TMEM132D: variants seen among roughly 807,000 people sequenced by gnomAD.
TMEM132D encodes mature OL transmembrane protein.
TMEM132D carries 21 observed loss-of-function variants against 62.3 expected under a neutral mutation model. The ratio of observed to expected loss-of-function variants is 0.34; its 90% CI spans 0.24 to 0.49. The LOEUF is 0.49. Ranked by LOEUF, TMEM132D falls within the 20% of genes least tolerant of loss-of-function variation. TMEM132D has a pLI of 0.99. For missense variants in TMEM132D, 1,346 were observed against 1,402.8 expected, an observed-to-expected ratio of 0.96 and a Z score of 0.65; for synonymous variants, 621 against 575.6, an observed-to-expected ratio of 1.08 and a Z score of -1.13.
intron 4 of TMEM132D, among the ~76,000 whole-genome samples, chr12:129,306,809 G>C (rs1881855824): frequency 6.6e-6 from 1 of 152,130 alleles, no homozygotes; most frequent in African/African-American, 2.4e-5. Context: ...GGAAATCACA[G>C]GGCAGAGCAA....
chr12:129,076,574 T>C (rs144011604), intron 8 of TMEM132D, among the ~76,000 whole-genome samples: 1 of 152,372 alleles, frequency 6.6e-6, no homozygotes, highest in Non-Finnish European at 1.5e-5. Context: ...GACACTGGCT[T>C]GGACTACCTG....
At chr12:129,377,747 A>C (rs953284082) in intron 3 of TMEM132D, among the ~76,000 whole-genome samples, 11 of 152,204 alleles carry the variant, frequency 7.2e-5, no homozygotes, top group Non-Finnish European at 1.5e-4. Flanking sequence ...TTTACAAAGA[A>C]ATACGTGGTC....
chr12:129,740,040 C>G (rs1470091079), intron 1 of TMEM132D, among the ~76,000 whole-genome samples: 1 of 152,082 alleles, frequency 6.6e-6, no homozygotes, highest in Non-Finnish European at 1.5e-5. Flanking sequence ...ATGGACTGGC[C>G]CCTCTCCTAA....
At chr12:129,717,209 T>C (rs993157609) in intron 1 of TMEM132D, among the ~76,000 whole-genome samples, 2 of 152,202 alleles carry the variant, frequency 1.3e-5, no homozygotes, top group Admixed American at 6.5e-5. Flanking sequence ...AGGAAGGCCA[T>C]TTCTCTGTGT....
chr12:129,583,743 T>C (rs551074368), intron 2 of TMEM132D, among the ~76,000 whole-genome samples: 17 of 152,166 alleles, frequency 1.1e-4, no homozygotes, highest in Non-Finnish European at 1.8e-4. Context: ...AAAGAATCCC[T>C]TGGAGACATA....
At chr12:129,669,107 A>C (rs1880443237) in intron 2 of TMEM132D, among the ~76,000 whole-genome samples, 1 of 152,228 alleles carries the variant, frequency 6.6e-6, no homozygotes, top group Non-Finnish European at 1.5e-5. Context: ...CATGGAACAG[A>C]GTTCTATCAA....
intron 4 of TMEM132D, among the ~76,000 whole-genome samples, chr12:129,326,505 T>A (rs1294549547): frequency 6.6e-6 from 1 of 152,222 alleles, no homozygotes; most frequent in Non-Finnish European, 1.5e-5. Context: ...TTATATGAAA[T>A]TAAAGTTTCA....
In TMEM132D at chr12:129,557,282, T is replaced by C. The variant is rs544775636; in HGVS notation, c.969-26077A>G. ...AAATATGCATATAGATTCAAATTTA[T>C]TTTTTATCTGTGCTTATAGGCTCTA... On this transcript the variant is annotated intron_variant, in intron 2 of 8. Transcript: ENST00000422113. Among the ~76,000 whole-genome samples, 18 of 152,350 alleles carry C rather than the reference T, an allele frequency of 1.2e-4. No individual in the cohort carries two copies. The East Asian group carries it at 1.5e-3, about 13-fold the overall frequency.
At chr12:129,182,062 T>C (rs779269392) in intron 5 of TMEM132D, among the ~76,000 whole-genome samples, 10 of 152,182 alleles carry the variant, frequency 6.6e-5, no homozygotes, top group African/African-American at 2.2e-4. Flanking sequence ...GCAACCATTA[T>C]GGATAGAAAG....
At chr12:129,154,064 G>A (rs1362226218) in intron 5 of TMEM132D, among the ~76,000 whole-genome samples, 1 of 152,152 alleles carries the variant, frequency 6.6e-6, no homozygotes, top group Admixed American at 6.5e-5. Flanking sequence ...TAAAATTTGT[G>A]ACACAGGCGT....
In TMEM132D at chr12:129,313,569, G is replaced by A. The variant is rs370386475; in HGVS notation, c.1299+24065C>T. On this transcript the variant is annotated intron_variant, in intron 4 of 8. Coordinates refer to ENST00000422113, the MANE Select transcript of TMEM132D (RefSeq NM_133448.3). Reference sequence around the variant, plus strand: ...GATATATATATATGTGTGTGTGTGTGTATATATATATATATATAAGTTTCT... The same window carrying A: ...GATATATATATATGTGTGTGTGTGTATATATATATATATATATAAGTTTCT... 6.1e-3 allele frequency among the ~76,000 whole-genome samples: 904 copies of A among 148,362 alleles called. 4 individuals are homozygous for A. Among genetic ancestry groups the A allele is most frequent in the African/African-American group, 0.013 (513 of 40,220 alleles).
rs537151333 is a variant in TMEM132D at position 129,179,920 on chromosome 12, C to T, written c.1443+29600G>A. On this transcript the variant is annotated intron_variant, in intron 5 of 8. Transcript: ENST00000422113. Reference sequence around the variant, plus strand: ...GCTGGAGCCTGTAATCCCAGCTACTCGGGAGGCTGAGGCAGGAGAATGGCT... The same window carrying T: ...GCTGGAGCCTGTAATCCCAGCTACTTGGGAGGCTGAGGCAGGAGAATGGCT... Among the ~76,000 whole-genome samples the T allele has an allele frequency of 4.5e-4, 68 of 151,940 alleles. No homozygotes were observed. The East Asian group carries it at 0.011, about 25-fold the overall frequency.
chr12:129,578,343 C>T (rs1242770304), intron 2 of TMEM132D, among the ~76,000 whole-genome samples: 1 of 151,426 alleles, frequency 6.6e-6, no homozygotes, highest in Non-Finnish European at 1.5e-5. Context: ...TAATAAATTA[C>T]CTCTCATATT....
At chr12:129,670,017 G>A (rs905051562) in intron 2 of TMEM132D, among the ~76,000 whole-genome samples, 1 of 152,140 alleles carries the variant, frequency 6.6e-6, no homozygotes, top group African/African-American at 2.4e-5. Flanking sequence ...AAGCCAGAGC[G>A]ATCGGCTGCC....
intron 5 of TMEM132D, among the ~76,000 whole-genome samples, chr12:129,099,848 C>T (rs183111957): frequency 0.016 from 2,218 of 140,950 alleles, 557 homozygotes; most frequent in African/African-American, 0.065. Context: ...TTTTTTGAGA[C>T]GGAGTCTCGC....
intron 1 of TMEM132D, among the ~76,000 whole-genome samples, chr12:129,888,515 T>C (rs1351325136): frequency 6.6e-6 from 1 of 152,046 alleles, no homozygotes; most frequent in African/African-American, 2.4e-5. Flanking sequence ...CTGGACAACA[T>C]GGTGAAACCC....
At chr12:129,677,449 T>C (rs931454083) in intron 2 of TMEM132D, among the ~76,000 whole-genome samples, 1 of 152,196 alleles carries the variant, frequency 6.6e-6, no homozygotes, top group Non-Finnish European at 1.5e-5. Flanking sequence ...CAGGTACAAC[T>C]TTATCAGTGG....
intron 3 of TMEM132D, among the ~76,000 whole-genome samples, chr12:129,372,095 G>A (rs926324276): frequency 2.0e-5 from 3 of 152,196 alleles, no homozygotes; most frequent in Non-Finnish European, 4.4e-5. Flanking sequence ...TAAAGAAGAT[G>A]GACCCTTACC....
intron 4 of TMEM132D, among the ~76,000 whole-genome samples, chr12:129,288,856 A>G (rs564281043): frequency 6.6e-6 from 1 of 152,392 alleles, no homozygotes; most frequent in Admixed American, 6.5e-5. Flanking sequence ...TGAGTAGATG[A>G]AGAAAGATTA....
Sources: gnomAD v4.1 joint callset for allele counts (sites outside exome capture counted in the v4.1 genomes callset) on GRCh38, gnomAD v4.1.1 for gene constraint, MANE v1.5 for transcripts, NCBI Gene and HGNC (gene_info 2026-07-23, HGNC 2026-07-21) for gene names.